Variants in HIPK3 observed in about 807,000 individuals in gnomAD.
HIPK3 encodes the protein homeodomain-interacting protein kinase 3.
In HIPK3, 47 loss-of-function variants were observed where a neutral mutation model predicts 124.2. The observed-to-expected ratio is 0.38, with a 90% CI of 0.30 to 0.48. The LOEUF (loss-of-function observed/expected upper bound fraction) is 0.48. Ranked by LOEUF, HIPK3 falls within the 20% of genes least tolerant of loss-of-function variation. The probability of loss-of-function intolerance (pLI) is 0.98; values close to 1 mark genes in which losing one functional copy is unlikely to be tolerated. For missense variants in HIPK3, 1,286 were observed against 1,454.3 expected (o/e 0.88, Z 1.88); for synonymous variants, 482 against 515.2 (o/e 0.94, Z 0.87).
At chr11:33,275,591 T>C (rs1436856922) in intron 1 of HIPK3, among the ~76,000 whole-genome samples, 1 of 152,190 alleles carries the variant, frequency 6.6e-6, no homozygotes, top group East Asian at 1.9e-4. Flanking sequence ...AACTCCTTTT[T>C]ACTGGCTACA....
intron 1 of HIPK3, chr11:33,258,503 T>C (rs1850733924): frequency 2.0e-5 from 20 of 985,118 alleles, no homozygotes; most frequent in Non-Finnish European, 2.2e-5. Context: ...AGAAATGTGA[T>C]CCGCGGCTCC....
rs1853587071 is a variant in HIPK3 at position 33,349,221 on chromosome 11, C to T, written c.2741C>T (p.Pro914Leu). 1 of 1,613,744 alleles carries T rather than the reference C, an allele frequency of 6.2e-7. No individual in the cohort carries two copies. The highest frequency in any genetic ancestry group is 1.3e-5 in the African/African-American group (1 of 75,038). Residue 914 changes from proline (P) to leucine (L), a missense_variant, in exon 14 of 17, where the codon CCT becomes CTT. By Grantham distance (98) the Pro-to-Leu change is moderately conservative. This residue lies in a region of HIPK3 where 810 missense variants were observed against 864.9 expected (regional missense o/e 0.94). Transcript: ENST00000303296. ...NIDRMCSLSSPDSTLSTSSSG... is the reference protein window; with the variant it reads ...NIDRMCSLSSLDSTLSTSSSG... ...GATCGGATGTGTTCATTAAGTAGTC[C>T]TGATAGTACTCTGAGTACCAGCTCC...
rs930248157 is a variant in HIPK3, at chr11:33,341,412, A to T, written c.1774-151A>T. ...AGAGGTCAGTAGAATCGGTTTTTAA[A>T]TTTTAATTTCGGCAGCTTGTTTTTG... On this transcript the variant is annotated intron_variant, in intron 7 of 16. Coordinates refer to ENST00000303296, the MANE Select transcript of HIPK3 (RefSeq NM_005734.5). 5 of 885,312 alleles carry T rather than the reference A, an allele frequency of 5.6e-6. No individual in the cohort carries two copies. The Admixed American group carries it at 1.3e-4, about 22-fold the overall frequency. The allele number at this position is 885,312 out of a possible 1,614,324, so 54.8% of individuals were successfully genotyped here.
rs761635980 is a variant in HIPK3 at position 33,348,774 on chromosome 11, T to C, written c.2622T>C (p.Ser874=). Residue 874 remains serine, a synonymous_variant, in exon 13 of 17, where the codon AGT becomes AGC. Coordinates refer to ENST00000303296, the MANE Select transcript of HIPK3 (RefSeq NM_005734.5). ...SPAVSVITIS[S]DTDEEETSQR... ...CAGTGAGTGTCATCACTATCAGCAG[T>C]GACACTGATGAGGAAGAGACTTCCC... is the stretch of plus-strand genomic sequence containing the variant. The C allele has an allele frequency of 9.9e-6, 16 of 1,613,990 alleles. No homozygotes were observed. Among genetic ancestry groups the C allele is most frequent in the Non-Finnish European group, 1.4e-5 (16 of 1,179,986 alleles).
chr11:33,337,696 C>G (rs1565092955), intron 4 of HIPK3, among the ~76,000 whole-genome samples: 1 of 146,050 alleles, frequency 6.8e-6, no homozygotes. Context: ...TTTTTTGAGA[C>G]AAAGTCTTGC....
intron 2 of HIPK3, among the ~76,000 whole-genome samples, chr11:33,298,830 G>C (rs930468030): frequency 6.6e-6 from 1 of 152,240 alleles, no homozygotes; most frequent in Non-Finnish European, 1.5e-5. Flanking sequence ...GATTAAACTT[G>C]ACCTATTGAC....
In HIPK3 at chr11:33,257,525, G is replaced by GC; in HGVS notation, c.-363dup. The stretch of plus-strand genomic sequence containing the variant: ...CAGGAATGGGCCCCAATCGCCGTGG[G>GC]CCCCGCACCCTGCGTCGCCCGTAGG... On this transcript the variant is annotated 5_prime_UTR_variant, in exon 1 of 17. The change abolishes the stop of an existing upstream ORF in the 5' untranslated region. Transcript: ENST00000303296. 1 of 985,592 alleles carries GC rather than the reference G, an allele frequency of 1.0e-6. No individual in the cohort carries two copies. Among genetic ancestry groups the GC allele is most frequent in the Non-Finnish European group, 1.2e-6 (1 of 830,086 alleles). The allele number at this position is 985,592 out of a possible 1,614,324, so 61.1% of individuals were successfully genotyped here. A position where few individuals can be genotyped will look rare whatever the true frequency, so the allele number is the denominator to read the frequency against.
Position 33,349,278 on chromosome 11 carries a change from G to A in HIPK3, c.2798G>A (p.Arg933Lys), listed in dbSNP as rs143130710. 8 of 1,610,956 alleles carry A rather than the reference G, an allele frequency of 5.0e-6. No homozygotes were observed. In the South Asian group the frequency reaches 7.7e-5, roughly 16 times the overall value. ...CAGTCCAGCCCATCCCCCTGCAAGA[G>A]ACCGAATAGGTAAAAGAATCTCAAT... ...SGQSSPSPCKRPNSMSDEEQE... is the reference protein window; with the variant it reads ...SGQSSPSPCKKPNSMSDEEQE... Residue 933 changes from arginine to lysine, a missense_variant, in exon 14 of 17, where the codon AGA becomes AAA. Physicochemically the swap from Arg to Lys is conservative, Grantham distance 26. Transcript: ENST00000303296.
chr11:33,258,755 AGT>A lies in HIPK3; in HGVS notation c.-3+872_-3+873del, dbSNP rs1358396688. 6.1e-6 allele frequency: 6 copies of A among 980,420 alleles called. No individual in the cohort carries two copies. In the South Asian group the frequency reaches 1.9e-4, roughly 31 times the overall value. 60.7% of individuals were successfully genotyped at this position (980,420 alleles called of 1,614,324 possible). On this transcript the variant is annotated intron_variant, in intron 1 of 16. Transcript: ENST00000303296. Reference sequence around the variant, plus strand: ...CTCTGCTTGAGGAATTGCGCTGAAGAGTGTGTGCGTAAATTACCTTGGACTTG... The same window carrying A: ...CTCTGCTTGAGGAATTGCGCTGAAGAGTGTGCGTAAATTACCTTGGACTTG...
At chr11:33,266,488 A>T (rs111331412) in intron 1 of HIPK3, among the ~76,000 whole-genome samples, 5 of 152,208 alleles carry the variant, frequency 3.3e-5, no homozygotes, top group African/African-American at 1.2e-4. Context: ...CCTTGAGGCC[A>T]GGAGTCTGAG....
At chr11:33,342,701 A>C (rs186390781) in intron 8 of HIPK3, among the ~76,000 whole-genome samples, 278 of 152,198 alleles carry the variant, frequency 1.8e-3, no homozygotes, top group African/African-American at 6.5e-3. Context: ...GATTACAGGC[A>C]TGCGCCACCA....
At chr11:33,278,108 ATCT>A (rs1398864973) in intron 1 of HIPK3, among the ~76,000 whole-genome samples, 6 of 152,170 alleles carry the variant, frequency 3.9e-5, no homozygotes, top group Non-Finnish European at 4.4e-5. Flanking sequence ...TGTTTTTTAC[ATCT>A]TCTTTAAAGA....
intron 3 of HIPK3, 25 bp from the exon 4 acceptor site, chr11:33,337,050 T>C (rs1853170679): frequency 1.9e-6 from 3 of 1,560,990 alleles, no homozygotes; most frequent in Non-Finnish European, 2.6e-6. Flanking sequence ...GAATAAACTA[T>C]TCTGTTCTGT....
chr11:33,309,430 G>C (rs1370485173), intron 2 of HIPK3, among the ~76,000 whole-genome samples: 1 of 152,192 alleles, frequency 6.6e-6, no homozygotes, highest in Non-Finnish European at 1.5e-5. Context: ...GCTTAGTTCT[G>C]ATTGGTTGAC....
chr11:33,322,859 T>C (rs564631478), intron 2 of HIPK3, among the ~76,000 whole-genome samples: 1 of 152,204 alleles, frequency 6.6e-6, no homozygotes, highest in South Asian at 2.1e-4. Context: ...GTGGCCACTG[T>C]TTCCTTTTTG....
intron 1 of HIPK3, among the ~76,000 whole-genome samples, chr11:33,277,122 G>A (rs1851294081): frequency 6.6e-6 from 1 of 152,132 alleles, no homozygotes; most frequent in African/African-American, 2.4e-5. Context: ...AAAGTATAGG[G>A]AGTAATAGAA....
At chr11:33,262,457 A>G (rs1328969182) in intron 1 of HIPK3, among the ~76,000 whole-genome samples, 1 of 152,252 alleles carries the variant, frequency 6.6e-6, no homozygotes, top group Non-Finnish European at 1.5e-5. Flanking sequence ...TTACTAAACA[A>G]AGGCAGCATA....
intron 3 of HIPK3, among the ~76,000 whole-genome samples, chr11:33,332,241 A>T (rs958920604): frequency 6.6e-6 from 1 of 152,142 alleles, no homozygotes; most frequent in African/African-American, 2.4e-5. Context: ...CCGTGTTGAA[A>T]ATTTATAATT....
chr11:33,292,195 T>A (rs1851717105), intron 2 of HIPK3, among the ~76,000 whole-genome samples: 1 of 152,222 alleles, frequency 6.6e-6, no homozygotes, highest in Non-Finnish European at 1.5e-5. Context: ...TGGGTGGCAT[T>A]ATTCTTTGAT....
Sources: allele counts gnomAD v4.1 joint callset (sites outside exome capture counted in the v4.1 genomes callset), GRCh38; gene constraint gnomAD v4.1.1; regional missense constraint gnomAD v4.1.1; transcripts MANE v1.5; gene names NCBI Gene and HGNC (gene_info 2026-07-23, HGNC 2026-07-21).